Variants in SGCZ observed in about 807,000 individuals in gnomAD.
SGCZ encodes sarcoglycan zeta.
In SGCZ, 40 loss-of-function variants were observed where a neutral mutation model predicts 41.3. That is an observed-to-expected ratio of 0.97 (90% CI 0.75 to 1.26). The LOEUF (loss-of-function observed/expected upper bound fraction) is 1.26, where lower values mean the gene tolerates loss of function less well. SGCZ is among the 50% of genes most tolerant of loss of function. SGCZ has a pLI of 0.00. For missense variants in SGCZ, 552 were observed against 369.8 expected (o/e 1.49, Z -4.04); for synonymous variants, 206 against 137.5 (o/e 1.50, Z -3.49).
chr8:15,093,907 G>C (rs1052372607), intron 1 of SGCZ, among the ~76,000 whole-genome samples: 4 of 152,132 alleles, frequency 2.6e-5, no homozygotes, highest in African/African-American at 9.7e-5. Flanking sequence ...CATTACAGTA[G>C]TTTCTACAGC....
intron 2 of SGCZ, among the ~76,000 whole-genome samples, chr8:14,541,275 A>G (rs2117151588): frequency 6.6e-6 from 1 of 151,910 alleles, no homozygotes; most frequent in Admixed American, 6.6e-5. Flanking sequence ...TGCATTAGGT[A>G]TTTGTCCTAA....
At chr8:14,980,390 A>G (rs1801622035) in intron 1 of SGCZ, among the ~76,000 whole-genome samples, 1 of 152,188 alleles carries the variant, frequency 6.6e-6, no homozygotes, top group Admixed American at 6.5e-5. Context: ...CCACATTTTG[A>G]GGGTCTAATT....
chr8:15,079,188 T>G (rs932368337), intron 1 of SGCZ, among the ~76,000 whole-genome samples: 8 of 152,326 alleles, frequency 5.3e-5, no homozygotes, highest in Admixed American at 4.6e-4. Context: ...TTTTTCCTCC[T>G]ATATTTACTT....
intron 1 of SGCZ, among the ~76,000 whole-genome samples, chr8:14,724,788 T>G: frequency 6.6e-6 from 1 of 152,274 alleles, no homozygotes; most frequent in South Asian, 2.1e-4. Flanking sequence ...GTTTAATGAT[T>G]AAATTAGGGT....
At chr8:14,944,062 T>C (rs1041175731) in intron 1 of SGCZ, among the ~76,000 whole-genome samples, 1 of 152,190 alleles carries the variant, frequency 6.6e-6, no homozygotes, top group African/African-American at 2.4e-5. Flanking sequence ...ATTACTGTGA[T>C]GATCATACTC....
chr8:15,116,507 T>A (rs1807273587), intron 1 of SGCZ, among the ~76,000 whole-genome samples: 1 of 152,178 alleles, frequency 6.6e-6, no homozygotes, highest in African/African-American at 2.4e-5. Context: ...AACGATAGAT[T>A]TTGTCAAAGG....
chr8:14,611,708 T>A (rs1585123966), intron 1 of SGCZ, among the ~76,000 whole-genome samples: 1 of 152,282 alleles, frequency 6.6e-6, no homozygotes, highest in African/African-American at 2.4e-5. Context: ...CATAAAGAAA[T>A]ATTTCCATAT....
chr8:14,589,379 T>C (rs897909474), intron 1 of SGCZ, among the ~76,000 whole-genome samples: 3 of 151,030 alleles, frequency 2.0e-5, no homozygotes, highest in Non-Finnish European at 2.9e-5. Context: ...TTTTAATATA[T>C]AACCTACTGA....
At chr8:15,222,592 AT>A (rs1233049496) in intron 1 of SGCZ, among the ~76,000 whole-genome samples, 1 of 152,284 alleles carries the variant, frequency 6.6e-6, no homozygotes, top group Non-Finnish European at 1.5e-5. Flanking sequence ...TTTCACAATC[AT>A]TTATTTTAGC....
At chr8:14,363,074 G>A (rs1803584250) in intron 2 of SGCZ, among the ~76,000 whole-genome samples, 1 of 152,058 alleles carries the variant, frequency 6.6e-6, no homozygotes, top group South Asian at 2.1e-4. Flanking sequence ...TAGTCTGGAG[G>A]AAAGAGAGAA....
At chr8:15,125,317 T>G (rs1164283688) in intron 1 of SGCZ, among the ~76,000 whole-genome samples, 1 of 152,230 alleles carries the variant, frequency 6.6e-6, no homozygotes, top group Non-Finnish European at 1.5e-5. Flanking sequence ...TCTACCCTTA[T>G]GTATGTGGGA....
Position 14,554,679 on chromosome 8 carries a change from T to C in SGCZ, c.234+53A>G, listed in dbSNP as rs977927123. ...GATTAAAAAATTAAAGTAACAGAGC[T>C]AGATTGTCTCTGAACCAAGAGCAAT... On this transcript the variant is annotated intron_variant, in intron 2 of 7. Coordinates refer to ENST00000382080, the MANE Select transcript of SGCZ (RefSeq NM_139167.4). 6 of 1,451,740 alleles carry C rather than the reference T, an allele frequency of 4.1e-6. No homozygotes were observed. In the African/African-American group the frequency reaches 8.5e-5, roughly 20 times the overall value. The allele number at this position is 1,451,740 out of a possible 1,614,324, so 89.9% of individuals were successfully genotyped here.
intron 2 of SGCZ, among the ~76,000 whole-genome samples, chr8:14,493,891 T>G (rs1012483128): frequency 6.6e-6 from 1 of 152,120 alleles, no homozygotes; most frequent in Non-Finnish European, 1.5e-5. Context: ...AGCACACTCT[T>G]TGGCAATAAG....
intron 1 of SGCZ, among the ~76,000 whole-genome samples, chr8:15,212,769 G>C (rs937342747): frequency 1.3e-5 from 2 of 151,972 alleles, no homozygotes; most frequent in African/African-American, 4.8e-5. Flanking sequence ...GATTATTTTA[G>C]ACATATTTTC....
At chr8:14,450,561 G>T (rs1010020665) in intron 2 of SGCZ, among the ~76,000 whole-genome samples, 2 of 152,124 alleles carry the variant, frequency 1.3e-5, no homozygotes, top group African/African-American at 2.4e-5. Context: ...TTAGTTAAAT[G>T]TATCATCTGG....
rs931562747 is a variant in SGCZ, at chr8:15,196,119, G to C, written c.39+41466C>G. ...TCACCTTGTTAGCCAGGATGGTCTCGATCTCCTGACCTCGTGATCCGCCCG... is the reference window on the plus strand; with the variant it reads ...TCACCTTGTTAGCCAGGATGGTCTCCATCTCCTGACCTCGTGATCCGCCCG... On this transcript the variant is annotated intron_variant, in intron 1 of 7. Coordinates refer to ENST00000382080, the MANE Select transcript of SGCZ (RefSeq NM_139167.4). Among the ~76,000 whole-genome samples, 3 of 150,204 alleles carry C rather than the reference G, an allele frequency of 2.0e-5. 1 individual carries two copies. The highest frequency in any genetic ancestry group is 4.4e-5 in the Non-Finnish European group (3 of 67,468).
At chr8:14,381,937 C>T (rs568985032) in intron 2 of SGCZ, among the ~76,000 whole-genome samples, 1 of 152,188 alleles carries the variant, frequency 6.6e-6, no homozygotes. Context: ...TTATACTTCA[C>T]CAGCCTTCTC....
chr8:14,351,954 C>T (rs781530070), intron 2 of SGCZ, among the ~76,000 whole-genome samples: 4 of 152,036 alleles, frequency 2.6e-5, no homozygotes, highest in Non-Finnish European at 5.9e-5. Flanking sequence ...ATATAAAGTA[C>T]AAATAATACC....
intron 1 of SGCZ, among the ~76,000 whole-genome samples, chr8:15,111,900 C>CAAA (rs59606190): frequency 0.076 from 10,707 of 140,536 alleles, 458 homozygotes; most frequent in Middle Eastern, 0.1. Context: ...CTCCGTCTCC[C>CAAA]AAAAAAAAAA....
Sources: allele counts gnomAD v4.1 joint callset (sites outside exome capture counted in the v4.1 genomes callset), GRCh38; gene constraint gnomAD v4.1.1; transcripts MANE v1.5; gene names NCBI Gene and HGNC (gene_info 2026-07-23, HGNC 2026-07-21).